NAALADL2: variants seen among roughly 807,000 people sequenced by gnomAD.
The protein encoded by NAALADL2 is N-acetylated alpha-linked acidic dipeptidase like 2, also known as inactive N-acetylated-alpha-linked acidic dipeptidase-like protein 2.
In NAALADL2, 76 loss-of-function variants were observed where a neutral mutation model predicts 87.2. The observed-to-expected ratio is 0.87, with a 90% CI of 0.72 to 1.05. The LOEUF (loss-of-function observed/expected upper bound fraction) is 1.05. NAALADL2 is among the 50% of genes least tolerant of loss of function. NAALADL2 has a pLI of 0.00. For missense variants in NAALADL2, 1,089 were observed against 945.8 expected (o/e 1.15, Z -1.99); for synonymous variants, 354 against 331.0 (o/e 1.07, Z -0.75).
intron 3 of NAALADL2, among the ~76,000 whole-genome samples, chr3:175,254,057 G>A (rs1026418091): frequency 6.6e-6 from 1 of 152,134 alleles, no homozygotes; most frequent in Non-Finnish European, 1.5e-5. Context: ...CATTAAAGCA[G>A]CAATAGGGTT....
chr3:175,173,314 AAATAAAT>A (rs942497226), intron 2 of NAALADL2, among the ~76,000 whole-genome samples: 55 of 54,222 alleles, frequency 1.0e-3, no homozygotes, highest in Admixed American at 1.4e-3. Flanking sequence ...TAAATAAAAT[AAATAAAT>A]AAATAAATAA....
At chr3:175,511,008 T>C (rs1417680571) in intron 9 of NAALADL2, among the ~76,000 whole-genome samples, 1 of 152,206 alleles carries the variant, frequency 6.6e-6, no homozygotes, top group African/African-American at 2.4e-5. Context: ...ACTGGACTGG[T>C]AGCCTAGATA....
At chr3:175,436,442 G>A (rs979154303) in intron 5 of NAALADL2, among the ~76,000 whole-genome samples, 6 of 145,962 alleles carry the variant, frequency 4.1e-5, no homozygotes, top group African/African-American at 1.6e-4. Flanking sequence ...TTCCACAATG[G>A]TTGAACTAGT....
intron 1 of NAALADL2, among the ~76,000 whole-genome samples, chr3:175,033,934 T>G (rs753819853): frequency 5.3e-5 from 8 of 151,928 alleles, no homozygotes; most frequent in Non-Finnish European, 1.0e-4. Context: ...TAATAGTATC[T>G]CAGATAAAAC....
At chr3:175,447,170 C>A in intron 5 of NAALADL2, 59 bp from the exon 6 acceptor site, 1 of 1,155,222 alleles carries the variant, frequency 8.7e-7, no homozygotes, top group Non-Finnish European at 1.2e-6. Flanking sequence ...ATAACTTTTC[C>A]TTAAGTGTTT....
At chr3:174,611,688 T>C (rs1166314294) in intron 2 of NAALADL2, among the ~76,000 whole-genome samples, 3 of 152,086 alleles carry the variant, frequency 2.0e-5, no homozygotes, top group Non-Finnish European at 4.4e-5. Context: ...GCCTCCCGGT[T>C]CAAGCTATTC....
intron 1 of NAALADL2, among the ~76,000 whole-genome samples, chr3:175,004,869 T>TA (rs1579970850): frequency 1.5e-5 from 2 of 136,490 alleles, no homozygotes; most frequent in East Asian, 2.1e-4. Context: ...TATTCCAAAA[T>TA]CAAAAAAAAA....
chr3:174,829,384 C>G (rs866382609), intron 3 of NAALADL2, among the ~76,000 whole-genome samples: 1 of 149,292 alleles, frequency 6.7e-6, no homozygotes, highest in Non-Finnish European at 1.5e-5. Flanking sequence ...TTTGTTCTTG[C>G]GATAGTTTAC....
chr3:175,363,524 C>A (rs960247314), intron 5 of NAALADL2, among the ~76,000 whole-genome samples: 1 of 147,464 alleles, frequency 6.8e-6, no homozygotes, highest in Non-Finnish European at 1.5e-5. Context: ...CTGTCTCTGA[C>A]TCTGTCTCTC....
chr3:175,637,701 GC>G (rs1286330434), intron 11 of NAALADL2, among the ~76,000 whole-genome samples: 1 of 152,158 alleles, frequency 6.6e-6, no homozygotes, highest in Non-Finnish European at 1.5e-5. Context: ...AGACGCTGGT[GC>G]CATGCTTCTT....
At chr3:175,436,313 G>A (rs1251797784) in intron 5 of NAALADL2, among the ~76,000 whole-genome samples, 3 of 149,264 alleles carry the variant, frequency 2.0e-5, no homozygotes, top group Admixed American at 6.8e-5. Flanking sequence ...ATAAACATAC[G>A]TGTGCATGCG....
At chr3:174,964,642 T>C (rs1742605572) in intron 1 of NAALADL2, among the ~76,000 whole-genome samples, 1 of 152,076 alleles carries the variant, frequency 6.6e-6, no homozygotes, top group Admixed American at 6.6e-5. Flanking sequence ...TAGCTACTTA[T>C]ATCTGGTACT....
At chr3:175,196,337 C>A (rs148394662) in intron 2 of NAALADL2, among the ~76,000 whole-genome samples, 3 of 151,928 alleles carry the variant, frequency 2.0e-5, no homozygotes, top group Non-Finnish European at 4.4e-5. Context: ...AGTAAATGTC[C>A]TTTGTAAGCA....
Position 175,173,263 on chromosome 3 carries a change from G to A in NAALADL2, c.546-60668G>A, listed in dbSNP as rs917344356. Among the ~76,000 whole-genome samples, 3 of 151,792 alleles carry A rather than the reference G, an allele frequency of 2.0e-5. No individual in the cohort carries two copies. The East Asian group carries it at 5.8e-4, about 30-fold the overall frequency. Reference sequence around the variant, plus strand: ...GCTGAGATTGTGCTACCGCACTCCAGCCTTGGTGACACAGCGAGACTCCGT... The same window carrying A: ...GCTGAGATTGTGCTACCGCACTCCAACCTTGGTGACACAGCGAGACTCCGT... On this transcript the variant is annotated intron_variant, in intron 2 of 13. Coordinates refer to ENST00000454872, the MANE Select transcript of NAALADL2 (RefSeq NM_207015.3).
intron 1 of NAALADL2, among the ~76,000 whole-genome samples, chr3:174,934,234 C>T (rs1737334320): frequency 6.6e-6 from 1 of 152,152 alleles, no homozygotes; most frequent in Non-Finnish European, 1.5e-5. Flanking sequence ...TACTGTCCAA[C>T]AGAATTTCTT....
At chr3:174,715,764 A>G (rs892701610) in intron 2 of NAALADL2, among the ~76,000 whole-genome samples, 4 of 152,136 alleles carry the variant, frequency 2.6e-5, no homozygotes, top group Middle Eastern at 3.2e-3. Context: ...CTAACAAAAC[A>G]TGTTACTGTC....
intron 5 of NAALADL2, among the ~76,000 whole-genome samples, chr3:175,415,754 A>T (rs1714508804): frequency 6.6e-6 from 1 of 152,008 alleles, no homozygotes. Context: ...AAGTAACTGT[A>T]AGTCTTCTAG....
At chr3:174,871,656 T>C (rs918310009) in intron 1 of NAALADL2, among the ~76,000 whole-genome samples, 1 of 152,128 alleles carries the variant, frequency 6.6e-6, no homozygotes, top group Non-Finnish European at 1.5e-5. Context: ...CCCAACACTT[T>C]GGGAGGCCAA....
intron 9 of NAALADL2, among the ~76,000 whole-genome samples, chr3:175,573,635 A>T (rs772743385): frequency 1.3e-5 from 2 of 152,320 alleles, no homozygotes; most frequent in Non-Finnish European, 2.9e-5. Flanking sequence ...GATATAAAAT[A>T]GTTTGTTTTT....
Sources: allele counts gnomAD v4.1 joint callset (sites outside exome capture counted in the v4.1 genomes callset), GRCh38; gene constraint gnomAD v4.1.1; transcripts MANE v1.5; gene names NCBI Gene and HGNC (gene_info 2026-07-23, HGNC 2026-07-21).